The following HEATR5B variants were observed in gnomAD, a reference collection of about 807,000 sequenced individuals.
HEATR5B encodes HEAT repeat containing 5B, also known as HEAT repeat-containing protein 5B.
HEATR5B carries 156 observed loss-of-function variants against 224.1 expected under a neutral mutation model. The observed-to-expected ratio is 0.70, with a 90% CI of 0.61 to 0.80. HEATR5B has a LOEUF of 0.80. Ranked by LOEUF, HEATR5B falls within the 30% of genes least tolerant of loss-of-function variation. HEATR5B has a pLI of 0.00. For synonymous variants in HEATR5B, 1,027 were observed against 893.0 expected (o/e 1.15, Z -2.68); for missense variants, 2,323 against 2,535.5 (o/e 0.92, Z 1.80).
intron 5 of HEATR5B, among the ~76,000 whole-genome samples, chr2:37,074,958 T>G (rs923923273): frequency 2.0e-5 from 3 of 152,364 alleles, no homozygotes; most frequent in Middle Eastern, 3.4e-3. Context: ...TCTCATACAC[T>G]GCTAGTAGAA....
chr2:37,072,285 G>A lies in HEATR5B; in HGVS notation c.598-4C>T. ...CATTCTGTAGTTCTAGTAGACACTG[G>A]AATTAAAAACAAAAAAGTAAATAAC... is the stretch of plus-strand genomic sequence containing the variant. On this transcript the variant is annotated splice_polypyrimidine_tract_variant and splice_region_variant and intron_variant, in intron 5 of 35. Transcript: ENST00000233099. 1.3e-6 allele frequency: 2 copies of A among 1,591,816 alleles called. No homozygotes were observed. Among genetic ancestry groups the A allele is most frequent in the Middle Eastern group, 1.7e-4 (1 of 5,962 alleles).
intron 33 of HEATR5B, among the ~76,000 whole-genome samples, chr2:36,993,334 C>T (rs1005897856): frequency 5.3e-5 from 8 of 151,976 alleles, no homozygotes; most frequent in East Asian, 1.9e-4. Flanking sequence ...GTCAGGATTT[C>T]GAAGCCAGCC....
intron 33 of HEATR5B, among the ~76,000 whole-genome samples, chr2:36,999,634 G>A (rs752057089): frequency 1.3e-4 from 19 of 151,094 alleles, no homozygotes; most frequent in Admixed American, 1.1e-3. Flanking sequence ...AGCTGAGATC[G>A]TGCCAGTGAA....
rs1411473082 is a variant in HEATR5B, at chr2:37,027,907, C to T, written c.3853+16G>A. 6.2e-7 allele frequency: 1 copy of T among 1,607,700 alleles called. No homozygotes were observed. The highest frequency in any genetic ancestry group is 8.5e-7 in the Non-Finnish European group (1 of 1,175,830). ...GTAAAAATGCTTTGGGGAAAAAGTA[C>T]TGATTTTAAATTTACTTGTAGGGTT... On this transcript the variant is annotated intron_variant, in intron 24 of 35. Coordinates refer to ENST00000233099, the MANE Select transcript of HEATR5B (RefSeq NM_019024.3).
At chr2:37,056,205 G>C (rs1401694165) in intron 16 of HEATR5B, among the ~76,000 whole-genome samples, 1 of 151,872 alleles carries the variant, frequency 6.6e-6, no homozygotes, top group East Asian at 1.9e-4. Context: ...CAATACAACA[G>C]ATATCAGATG....
chr2:36,995,087 G>GTTTTTTTTT (rs775120824), intron 33 of HEATR5B, among the ~76,000 whole-genome samples: 7 of 104,130 alleles, frequency 6.7e-5, no homozygotes, highest in Admixed American at 1.0e-4. Context: ...GTTATTCCTT[G>GTTTTTTTTT]TTTTTTTTTT....
chr2:37,031,237 C>A (rs1260425577), intron 22 of HEATR5B, among the ~76,000 whole-genome samples: 2 of 152,092 alleles, frequency 1.3e-5, no homozygotes, highest in Non-Finnish European at 2.9e-5. Context: ...CAGGAAAATG[C>A]CTATACACTG....
At position 36,988,611 on chromosome 2, in the gene HEATR5B, T is replaced by G. The variant is rs563492760; in HGVS notation, c.5911+35A>C. ...ATTTATATACAATACAGATCTTCAT[T>G]CTGAACTAGTAGCTTTTTATAAGAA... On this transcript the variant is annotated intron_variant, in intron 35 of 35. Transcript: ENST00000233099. 3 of 1,520,824 alleles carry G rather than the reference T, an allele frequency of 2.0e-6. No homozygotes were observed. The African/African-American group carries it at 4.1e-5, about 21-fold the overall frequency. 94.2% of individuals were successfully genotyped at this position (1,520,824 alleles called of 1,614,324 possible).
chr2:37,049,749 A>G lies in HEATR5B; in HGVS notation c.2600T>C (p.Ile867Thr). 1 of 1,587,562 alleles carries G rather than the reference A, an allele frequency of 6.3e-7. No homozygotes were observed. The highest frequency in any genetic ancestry group is 8.6e-7 in the Non-Finnish European group (1 of 1,165,704). Reference sequence around the variant, plus strand: ...AGCTTCCCCCGCTGCACAACGTAAGATGGGGTTTGGGTTGTCCAGAGGACC... The same window carrying G: ...AGCTTCCCCCGCTGCACAACGTAAGGTGGGGTTTGGGTTGTCCAGAGGACC... ...VMGPLDNPNP[I>T]LRCAAGEALG... The change falls in exon 18 of 36, where the codon ATC becomes ACC. Residue 867 changes from isoleucine (I) to threonine (T), a missense_variant. Coordinates refer to ENST00000233099, the MANE Select transcript of HEATR5B (RefSeq NM_019024.3).
intron 28 of HEATR5B, 152 bp from the exon 29 acceptor site, chr2:37,007,456 G>T: frequency 1.2e-6 from 1 of 806,636 alleles, no homozygotes; most frequent in Non-Finnish European, 1.8e-6. Context: ...CAATTCTCCT[G>T]CCTCAGCCTC....
intron 7 of HEATR5B, among the ~76,000 whole-genome samples, chr2:37,069,859 A>T (rs1393810663): frequency 6.6e-6 from 1 of 152,060 alleles, no homozygotes; most frequent in Non-Finnish European, 1.5e-5. Flanking sequence ...GTTACTTAGT[A>T]ACAGTTTTCC....
At chr2:37,063,741 T>G (rs1671422119) in intron 10 of HEATR5B, among the ~76,000 whole-genome samples, 2 of 152,108 alleles carry the variant, frequency 1.3e-5, no homozygotes, top group Admixed American at 6.5e-5. Context: ...ACACTTAAGA[T>G]TACTGAGAAG....
chr2:37,064,785 A>G lies in HEATR5B; in HGVS notation c.1539T>C (p.Gly513=). ...TGCCCAAAGGACACTGATGTACTCCACCTAACAAAGCAGCCATTGCAAAAC... is the reference window on the plus strand; with the variant it reads ...TGCCCAAAGGACACTGATGTACTCCGCCTAACAAAGCAGCCATTGCAAAAC... ...GYSFAMAALL[G]GVHQCPLGIP... The change falls in exon 10 of 36, where the codon GGT becomes GGC. Residue 513 remains glycine (G), a synonymous_variant. Coordinates refer to ENST00000233099, the MANE Select transcript of HEATR5B (RefSeq NM_019024.3). The G allele has an allele frequency of 6.2e-7, 1 of 1,613,978 alleles. No individual in the cohort carries two copies. The highest frequency in any genetic ancestry group is 8.5e-7 in the Non-Finnish European group (1 of 1,179,980).
intron 33 of HEATR5B, among the ~76,000 whole-genome samples, chr2:36,993,969 T>TTA (rs1553414771): frequency 6.6e-6 from 1 of 150,842 alleles, no homozygotes; most frequent in African/African-American, 2.4e-5. Flanking sequence ...ATATAATGAC[T>TTA]AAAAAAAAAG....
chr2:37,079,094 G>A (rs1672398403), intron 3 of HEATR5B, 26 bp downstream of exon 3: 2 of 1,390,012 alleles, frequency 1.4e-6, no homozygotes, highest in African/African-American at 2.9e-5. Flanking sequence ...AAAACTTCAA[G>A]GGCCCCTATT....
chr2:37,044,723 T>C (rs1459649526), intron 18 of HEATR5B, among the ~76,000 whole-genome samples: 1 of 152,214 alleles, frequency 6.6e-6, no homozygotes, highest in African/African-American at 2.4e-5. Flanking sequence ...GCATTTCTAC[T>C]GGCAATATAT....
At chr2:37,036,267 G>C (rs539806476) in intron 21 of HEATR5B, among the ~76,000 whole-genome samples, 4 of 152,262 alleles carry the variant, frequency 2.6e-5, no homozygotes, top group South Asian at 4.1e-4. Flanking sequence ...TATGTAGAAA[G>C]TCTGCGTGAT....
At chr2:37,029,117 G>A (rs941299805) in intron 22 of HEATR5B, among the ~76,000 whole-genome samples, 197 bp from the exon 23 acceptor site, 18 of 152,020 alleles carry the variant, frequency 1.2e-4, no homozygotes, top group Admixed American at 1.0e-3. Context: ...GTAATACCTC[G>A]AACTGTAAAA....
chr2:37,001,203 G>T (rs978142447), intron 32 of HEATR5B, among the ~76,000 whole-genome samples: 1 of 152,184 alleles, frequency 6.6e-6, no homozygotes, highest in East Asian at 1.9e-4. Context: ...TGTAAAACAT[G>T]TAATCAATCC....
Sources: allele counts gnomAD v4.1 joint callset (sites outside exome capture counted in the v4.1 genomes callset), GRCh38; gene constraint gnomAD v4.1.1; transcripts MANE v1.5; gene names NCBI Gene and HGNC (gene_info 2026-07-23, HGNC 2026-07-21).